The following SGCZ variants were observed in gnomAD, a reference collection of about 807,000 sequenced individuals.
SGCZ encodes the protein sarcoglycan zeta, also known as zeta-sarcoglycan.
SGCZ carries 40 observed loss-of-function variants against 41.3 expected under a neutral mutation model. The observed-to-expected ratio is 0.97, with a 90% CI of 0.75 to 1.26. SGCZ has a LOEUF of 1.26. SGCZ is among the 50% of genes most tolerant of loss of function. SGCZ has a pLI of 0.00. For missense variants in SGCZ, 552 were observed against 369.8 expected (o/e 1.49, Z -4.04); for synonymous variants, 206 against 137.5 (o/e 1.50, Z -3.49).
chr8:14,275,032 T>C (rs1800181393), intron 3 of SGCZ, among the ~76,000 whole-genome samples: 1 of 152,150 alleles, frequency 6.6e-6, no homozygotes. Context: ...TTTTAGAATT[T>C]AATATCAGAC....
At chr8:14,810,337 G>T (rs535889751) in intron 1 of SGCZ, among the ~76,000 whole-genome samples, 28 of 152,128 alleles carry the variant, frequency 1.8e-4, no homozygotes, top group African/African-American at 6.5e-4. Context: ...TTGAAGCAAT[G>T]AGAAAGATCA....
At chr8:14,872,954 G>T (rs1160863127) in intron 1 of SGCZ, among the ~76,000 whole-genome samples, 1 of 152,126 alleles carries the variant, frequency 6.6e-6, no homozygotes, top group East Asian at 1.9e-4. Context: ...TAAAGCAGAA[G>T]TCAAACGTTT....
At chr8:15,216,059 C>T (rs1047237558) in intron 1 of SGCZ, among the ~76,000 whole-genome samples, 9 of 151,940 alleles carry the variant, frequency 5.9e-5, no homozygotes, top group African/African-American at 2.2e-4. Context: ...GAGCAGCATC[C>T]AGAACATCTC....
intron 2 of SGCZ, among the ~76,000 whole-genome samples, chr8:14,408,569 T>G (rs949795117): frequency 6.6e-6 from 1 of 152,136 alleles, no homozygotes; most frequent in Non-Finnish European, 1.5e-5. Context: ...TTTTCCACAG[T>G]GGCTAGATGA....
intron 1 of SGCZ, among the ~76,000 whole-genome samples, chr8:15,197,732 G>C (rs1014320304): frequency 6.6e-6 from 1 of 152,046 alleles, no homozygotes; most frequent in African/African-American, 2.4e-5. Flanking sequence ...GGGGAGGCAA[G>C]GTCTAAAATT....
chr8:14,627,237 C>T (rs1225316731), intron 1 of SGCZ, among the ~76,000 whole-genome samples: 2 of 152,162 alleles, frequency 1.3e-5, no homozygotes, highest in Non-Finnish European at 2.9e-5. Flanking sequence ...AGACACCACA[C>T]AGAACCTTTA....
At chr8:15,079,479 A>G (rs1485864491) in intron 1 of SGCZ, among the ~76,000 whole-genome samples, 2 of 152,170 alleles carry the variant, frequency 1.3e-5, no homozygotes. Context: ...TGGCTTATAG[A>G]TAACTTGGGT....
intron 1 of SGCZ, among the ~76,000 whole-genome samples, chr8:15,203,600 G>C (rs1273382097): frequency 6.6e-6 from 1 of 152,160 alleles, no homozygotes; most frequent in Admixed American, 6.5e-5. Context: ...CTTTTAAACA[G>C]ACAAATGTGG....
At position 14,752,365 on chromosome 8, in the gene SGCZ, C is replaced by A. The variant is rs1799526585; in HGVS notation, c.40-197439G>T. ...CTTAAGCTGCTTGATCACATCTCTG[C>A]AAAGCCAGCCCTAGGTCTAACAAAA... On this transcript the variant is annotated intron_variant, in intron 1 of 7. Coordinates refer to ENST00000382080, the MANE Select transcript of SGCZ (RefSeq NM_139167.4). Among the ~76,000 whole-genome samples the A allele has an allele frequency of 2.0e-5, 3 of 152,270 alleles. No individual in the cohort carries two copies. In the South Asian group the frequency reaches 6.2e-4, roughly 32 times the overall value.
intron 1 of SGCZ, among the ~76,000 whole-genome samples, chr8:15,183,523 G>A (rs929755088): frequency 6.6e-6 from 1 of 152,134 alleles, no homozygotes; most frequent in African/African-American, 2.4e-5. Context: ...GAGATGTCAT[G>A]TGATCTTATA....
chr8:14,587,231 A>T (rs1475804430), intron 1 of SGCZ, among the ~76,000 whole-genome samples: 3 of 152,018 alleles, frequency 2.0e-5, no homozygotes, highest in Admixed American at 2.0e-4. Context: ...TTTCAACCAA[A>T]CTTCTACTAT....
chr8:15,155,593 G>C lies in SGCZ; in HGVS notation c.39+81992C>G, dbSNP rs571247595. Among the ~76,000 whole-genome samples, 50 of 152,220 alleles carry C rather than the reference G, an allele frequency of 3.3e-4. 1 individual carries two copies. The Middle Eastern group carries it at 0.027, about 83-fold the overall frequency. ...ACGTCATAACTGAGCCACAAGTTTGGTGTGCAAAATTATGCTGTATTCATA... is the reference window on the plus strand; with the variant it reads ...ACGTCATAACTGAGCCACAAGTTTGCTGTGCAAAATTATGCTGTATTCATA... On this transcript the variant is annotated intron_variant, in intron 1 of 7. Transcript: ENST00000382080.
chr8:14,733,480 TTATCA>T (rs1798933877), intron 1 of SGCZ, among the ~76,000 whole-genome samples: 1 of 152,216 alleles, frequency 6.6e-6, no homozygotes, highest in Admixed American at 6.5e-5. Flanking sequence ...TATCTGTGTC[TTATCA>T]TACCTGATTA....
chr8:14,140,348 G>T (rs1263657240), intron 5 of SGCZ, among the ~76,000 whole-genome samples: 2 of 151,916 alleles, frequency 1.3e-5, no homozygotes, highest in African/African-American at 4.8e-5. Flanking sequence ...AGAAAGAAAG[G>T]GTATTCAATT....
At chr8:14,669,385 G>GTAAGTAAGTAAA (rs1465447907) in intron 1 of SGCZ, among the ~76,000 whole-genome samples, 4 of 55,124 alleles carry the variant, frequency 7.3e-5, no homozygotes, top group African/African-American at 4.8e-4. Context: ...AAGTAAGTAA[G>GTAAGTAAGTAAA]TAAATAAATA....
chr8:14,114,956 T>G (rs772525994), intron 5 of SGCZ, among the ~76,000 whole-genome samples: 5 of 151,916 alleles, frequency 3.3e-5, no homozygotes, highest in Non-Finnish European at 5.9e-5. Flanking sequence ...GAAAATAAAT[T>G]ATTTCCAAAT....
chr8:14,255,001 A>G (rs985203888), intron 3 of SGCZ, among the ~76,000 whole-genome samples: 1 of 152,044 alleles, frequency 6.6e-6, no homozygotes, highest in East Asian at 1.9e-4. Context: ...TTATTTCTCC[A>G]GTTTGGCTGC....
At chr8:14,939,668 A>C (rs901706917) in intron 1 of SGCZ, among the ~76,000 whole-genome samples, 1 of 152,172 alleles carries the variant, frequency 6.6e-6, no homozygotes, top group Non-Finnish European at 1.5e-5. Flanking sequence ...GTAAATATTC[A>C]TTTTGTACGA....
chr8:14,659,846 G>C (rs1178128686), intron 1 of SGCZ, among the ~76,000 whole-genome samples: 2 of 152,138 alleles, frequency 1.3e-5, no homozygotes, highest in Non-Finnish European at 2.9e-5. Context: ...TTCAAGTCAG[G>C]ATGAGATCAT....
Sources: allele counts gnomAD v4.1 joint callset (sites outside exome capture counted in the v4.1 genomes callset), GRCh38; gene constraint gnomAD v4.1.1; transcripts MANE v1.5; gene names NCBI Gene and HGNC (gene_info 2026-07-23, HGNC 2026-07-21).